BCAS3: variants seen among roughly 807,000 people sequenced by gnomAD.
BCAS3 encodes BCAS4/BCAS3 fusion.
BCAS3 carries 53 observed loss-of-function variants against 116.1 expected under a neutral mutation model. The observed-to-expected ratio is 0.46, with a 90% CI of 0.37 to 0.57. The LOEUF (loss-of-function observed/expected upper bound fraction) is 0.57, where lower values mean the gene tolerates loss of function less well. Among genes scored for constraint, BCAS3 ranks in the 20% least tolerant of loss-of-function variants. The pLI is 0.00. For synonymous variants in BCAS3, 391 were observed against 408.2 expected, an observed-to-expected ratio of 0.96 and a Z score of 0.51; for missense variants, 917 against 1,165.4, an observed-to-expected ratio of 0.79 and a Z score of 3.10.
intron 6 of BCAS3, among the ~76,000 whole-genome samples, chr17:60,787,690 A>T (rs2046396773): frequency 6.6e-6 from 1 of 152,170 alleles, no homozygotes; most frequent in Non-Finnish European, 1.5e-5. Context: ...TTCCTGATTA[A>T]GAGATACTTT....
At chr17:60,806,883 C>CT (rs2048332004) in intron 6 of BCAS3, among the ~76,000 whole-genome samples, 1 of 151,922 alleles carries the variant, frequency 6.6e-6, no homozygotes, top group Admixed American at 6.6e-5. Context: ...TTTTTTGCTT[C>CT]TTGTTCATAT....
At chr17:60,830,676 A>C (rs940090604) in intron 7 of BCAS3, among the ~76,000 whole-genome samples, 4 of 152,166 alleles carry the variant, frequency 2.6e-5, no homozygotes, top group Admixed American at 6.5e-5. Context: ...CTCCTTTTAC[A>C]CAAAAGGAGT....
At chr17:61,018,719 T>TA (rs1259759152) in intron 16 of BCAS3, among the ~76,000 whole-genome samples, 1 of 152,158 alleles carries the variant, frequency 6.6e-6, no homozygotes, top group Non-Finnish European at 1.5e-5. Flanking sequence ...ACTAACATGT[T>TA]ACGTTTTTGC....
At chr17:61,015,637 C>T in intron 15 of BCAS3, 114 bp from the exon 16 acceptor site, 1 of 1,044,090 alleles carries the variant, frequency 9.6e-7, no homozygotes, top group African/African-American at 1.6e-5. Flanking sequence ...TCAATTCTAC[C>T]TTTGATGCCT....
Position 61,302,022 on chromosome 17 carries a change from C to T in BCAS3, c.2426-66305C>T, listed in dbSNP as rs1266557912. On this transcript the variant is annotated intron_variant, in intron 22 of 23. Coordinates refer to ENST00000407086, the MANE Select transcript of BCAS3 (RefSeq NM_017679.5). The surrounding 1 kb of genome is among the most constrained non-coding windows in gnomAD (Gnocchi z 4.4). ...CACGGCCACTTTGAACGCTTATTCCCATTCTGCAGAGACCCAGTGGCTTGC... is the reference window on the plus strand; with the variant it reads ...CACGGCCACTTTGAACGCTTATTCCTATTCTGCAGAGACCCAGTGGCTTGC... Among the ~76,000 whole-genome samples the T allele has an allele frequency of 6.6e-6, 1 of 152,176 alleles. No individual in the cohort carries two copies. Among genetic ancestry groups the T allele is most frequent in the Non-Finnish European group, 1.5e-5 (1 of 68,022 alleles).
intron 22 of BCAS3, among the ~76,000 whole-genome samples, chr17:61,094,179 A>C (rs1270104020): frequency 6.6e-6 from 1 of 152,196 alleles, no homozygotes; most frequent in African/African-American, 2.4e-5. Flanking sequence ...TATTCACCTA[A>C]GAATATCTTT....
intron 22 of BCAS3, among the ~76,000 whole-genome samples, chr17:61,173,233 T>C (rs1218535291): frequency 6.6e-6 from 1 of 152,044 alleles, no homozygotes; most frequent in Non-Finnish European, 1.5e-5. Flanking sequence ...GGAGGATCAG[T>C]TGAAGCCAGG....
chr17:61,245,177 A>C (rs570134482), intron 22 of BCAS3: 3 of 152,286 alleles, frequency 2.0e-5, no homozygotes, highest in South Asian at 2.1e-4. Flanking sequence ...GAGAAGAATG[A>C]GTGCCCAGTG....
chr17:60,879,076 T>C (rs528421374), intron 9 of BCAS3, among the ~76,000 whole-genome samples: 56 of 152,118 alleles, frequency 3.7e-4, no homozygotes, highest in Admixed American at 9.2e-4. Flanking sequence ...ATATAGAGAC[T>C]GGAGGATAGG....
chr17:60,872,875 A>G (rs957191218), intron 8 of BCAS3, among the ~76,000 whole-genome samples: 2 of 151,912 alleles, frequency 1.3e-5, no homozygotes, highest in Admixed American at 6.6e-5. Context: ...CTTTGGTTCC[A>G]TTGACTCTTA....
intron 22 of BCAS3, among the ~76,000 whole-genome samples, chr17:61,179,700 A>G (rs2079363793): frequency 6.6e-6 from 1 of 152,284 alleles, no homozygotes; most frequent in African/African-American, 2.4e-5. Flanking sequence ...CATTTTGCCC[A>G]ACATTGGCTT....
chr17:61,040,484 G>T (rs1004689484), intron 18 of BCAS3, among the ~76,000 whole-genome samples: 1 of 152,148 alleles, frequency 6.6e-6, no homozygotes, highest in African/African-American at 2.4e-5. Context: ...CTAGTTAGTT[G>T]TAACATTTGA....
In BCAS3 at chr17:60,964,515, T is replaced by G. The variant is rs139610713; in HGVS notation, c.1221+17163T>G. 9.8e-5 allele frequency among the ~76,000 whole-genome samples: 15 copies of G among 152,308 alleles called. No homozygotes were observed. The highest frequency in any genetic ancestry group is 3.6e-4 in the African/African-American group (15 of 41,574). On this transcript the variant is annotated intron_variant, in intron 14 of 23. Transcript: ENST00000407086. The surrounding 1 kb of genome is among the most constrained non-coding windows in gnomAD (Gnocchi z 4.6). ...GTTTTCTTTTCTTGTTGTCGTGTCC[T>G]TATCTGATTTTACTGTCAAGGTAAT...
Position 61,068,148 on chromosome 17 carries a change from T to C in BCAS3, c.2030-6772T>C, listed in dbSNP as rs1454729766. Among the ~76,000 whole-genome samples, 1 of 152,198 alleles carries C rather than the reference T, an allele frequency of 6.6e-6. No homozygotes were observed. Among genetic ancestry groups the C allele is most frequent in the Admixed American group, 6.5e-5 (1 of 15,280 alleles). ...TGGTAAATATAAAAGATACTAAACA[T>C]TTTTCTTTAGGGTAGCTATTTTGTA... On this transcript the variant is annotated intron_variant, in intron 19 of 23. Coordinates refer to ENST00000407086, the MANE Select transcript of BCAS3 (RefSeq NM_017679.5). The surrounding 1 kb of genome is among the most constrained non-coding windows in gnomAD (Gnocchi z 4.3).
At chr17:61,328,541 C>T (rs1052710091) in intron 22 of BCAS3, among the ~76,000 whole-genome samples, 11 of 152,130 alleles carry the variant, frequency 7.2e-5, no homozygotes, top group African/African-American at 1.4e-4. Flanking sequence ...CCGAGGCTGG[C>T]GGATCACTTG....
intron 22 of BCAS3, among the ~76,000 whole-genome samples, chr17:61,137,494 C>T (rs1194156738): frequency 6.6e-6 from 1 of 152,194 alleles, no homozygotes; most frequent in Admixed American, 6.5e-5. Context: ...TGGGGCCAGG[C>T]GTGGTGGCAC....
chr17:60,974,993 T>G (rs997165567), intron 14 of BCAS3, among the ~76,000 whole-genome samples: 7 of 138,228 alleles, frequency 5.1e-5, no homozygotes, highest in Non-Finnish European at 1.0e-4. Context: ...TTTTTTTTGC[T>G]TTTTTGTTTT....
At chr17:61,320,979 G>A (rs533974201) in intron 22 of BCAS3, among the ~76,000 whole-genome samples, 26 of 152,192 alleles carry the variant, frequency 1.7e-4, no homozygotes, top group Non-Finnish European at 3.2e-4. Context: ...TATAGGCAAG[G>A]ATTATTACTA....
chr17:61,386,185 A>T (rs1001959185), intron 23 of BCAS3, among the ~76,000 whole-genome samples: 1 of 152,216 alleles, frequency 6.6e-6, no homozygotes, highest in Non-Finnish European at 1.5e-5. Context: ...TGAGGCACAA[A>T]GATTCGAGTA....
Sources: gnomAD v4.1 joint callset for allele counts (sites outside exome capture counted in the v4.1 genomes callset) on GRCh38, gnomAD v4.1.1 for gene constraint, Gnocchi (gnomAD v3.1) non-coding constraint, MANE v1.5 for transcripts, NCBI Gene and HGNC (gene_info 2026-07-23, HGNC 2026-07-21) for gene names.